The following GPR63 variants were observed in gnomAD, a reference collection of about 807,000 sequenced individuals.
GPR63 encodes G protein-coupled receptor 63.
GPR63 carries 12 observed loss-of-function variants against 23.1 expected under a neutral mutation model. The ratio of observed to expected loss-of-function variants is 0.52; its 90% CI spans 0.33 to 0.84. GPR63 has a LOEUF of 0.84. GPR63 is among the 40% of genes least tolerant of loss of function. GPR63 has a pLI of 0.02. For synonymous variants in GPR63, 172 were observed against 191.1 expected (o/e 0.90, Z 0.82); for missense variants, 472 against 515.6 (o/e 0.92, Z 0.82).
At chr6:96,834,129 G>A (rs1184670231) in intron 1 of GPR63, among the ~76,000 whole-genome samples, 1 of 152,082 alleles carries the variant, frequency 6.6e-6, no homozygotes, top group Non-Finnish European at 1.5e-5. Context: ...ATTTACTGGT[G>A]CAGAGGCTAG....
intron 1 of GPR63, among the ~76,000 whole-genome samples, chr6:96,811,274 A>G (rs1165019210): frequency 2.0e-5 from 3 of 152,230 alleles, no homozygotes; most frequent in Non-Finnish European, 4.4e-5. Flanking sequence ...CCCCTAACGG[A>G]TAAACAGAAA....
At chr6:96,824,053 G>A (rs1774374286) in intron 1 of GPR63, among the ~76,000 whole-genome samples, 1 of 151,702 alleles carries the variant, frequency 6.6e-6, no homozygotes, top group African/African-American at 2.4e-5. Context: ...CTCTATGATA[G>A]TATGGTATTA....
At chr6:96,802,272 T>G (rs1273095192) in intron 1 of GPR63, among the ~76,000 whole-genome samples, 1 of 152,172 alleles carries the variant, frequency 6.6e-6, no homozygotes, top group African/African-American at 2.4e-5. Flanking sequence ...CCATAAAAGC[T>G]TCCCACAACT....
rs1170692205 is a variant in GPR63, at chr6:96,798,565, G to A, written c.1167C>T (p.Ser389=). The change falls in exon 2 of 2, where the codon TCC becomes TCT. Residue 389 remains serine, a synonymous_variant. Coordinates refer to ENST00000229955, the MANE Select transcript of GPR63 (RefSeq NM_030784.4). ...HDACLDMMPK[S]FKFLPQLPGH... is the part of the protein sequence containing the mutation. ...CAGGGAGCTGCGGCAAAAACTTGAA[G>A]GACTTAGGCATCATGTCCAGGCAAG... 1.2e-6 allele frequency: 2 copies of A among 1,614,098 alleles called. No individual in the cohort carries two copies. Among genetic ancestry groups the A allele is most frequent in the Non-Finnish European group, 1.7e-6 (2 of 1,180,044 alleles).
At position 96,826,998 on chromosome 6, in the gene GPR63, T is replaced by G. The variant is rs9487264; in HGVS notation, c.-151+10270A>C. 1.3e-4 allele frequency among the ~76,000 whole-genome samples: 19 copies of G among 146,240 alleles called. No individual in the cohort carries two copies. The South Asian group carries it at 1.5e-3, about 12-fold the overall frequency. On this transcript the variant is annotated intron_variant, in intron 1 of 1. Transcript: ENST00000229955. ...CCTCTGGAGGAACTCACCTTCATCA[T>G]AGGCCTGAAATAATTACCACAAAGT...
At chr6:96,823,090 T>C (rs1489111454) in intron 1 of GPR63, among the ~76,000 whole-genome samples, 2 of 152,220 alleles carry the variant, frequency 1.3e-5, no homozygotes, top group African/African-American at 4.8e-5. Flanking sequence ...TGTATAAAAG[T>C]CTAGCACATA....
intron 1 of GPR63, among the ~76,000 whole-genome samples, chr6:96,815,894 T>C (rs558547833): frequency 6.6e-6 from 1 of 152,304 alleles, no homozygotes; most frequent in South Asian, 2.1e-4. Flanking sequence ...GGTTTCCTGC[T>C]CTTCTCTCTA....
intron 1 of GPR63, among the ~76,000 whole-genome samples, chr6:96,816,554 C>T (rs891494305): frequency 2.0e-5 from 3 of 152,128 alleles, no homozygotes; most frequent in African/African-American, 4.8e-5. Flanking sequence ...TGAGAGGCTA[C>T]GATCTGAGAG....
intron 1 of GPR63, among the ~76,000 whole-genome samples, chr6:96,826,186 T>G (rs552437171): frequency 6.6e-6 from 1 of 152,238 alleles, no homozygotes; most frequent in African/African-American, 2.4e-5. Context: ...GGTGGCTTTT[T>G]AACTTTACCT....
intron 1 of GPR63, among the ~76,000 whole-genome samples, chr6:96,828,703 T>C (rs1049319083): frequency 1.3e-5 from 2 of 151,982 alleles, no homozygotes; most frequent in African/African-American, 2.4e-5. Flanking sequence ...ATTCTAAATA[T>C]AAAGAGACTA....
intron 1 of GPR63, among the ~76,000 whole-genome samples, chr6:96,833,553 C>G (rs1424802170): frequency 6.6e-6 from 1 of 152,142 alleles, no homozygotes; most frequent in Non-Finnish European, 1.5e-5. Flanking sequence ...TCTGCACCAG[C>G]CTCCCCAAGG....
intron 1 of GPR63, among the ~76,000 whole-genome samples, chr6:96,821,589 C>T (rs1315345192): frequency 1.3e-5 from 2 of 152,266 alleles, no homozygotes; most frequent in East Asian, 3.9e-4. Flanking sequence ...TACAACTATG[C>T]CCAGATTATT....
At chr6:96,804,648 T>A (rs1773851907) in intron 1 of GPR63, among the ~76,000 whole-genome samples, 1 of 152,144 alleles carries the variant, frequency 6.6e-6, no homozygotes. Flanking sequence ...TCATTCTTAA[T>A]TATTTTAAAG....
intron 1 of GPR63, among the ~76,000 whole-genome samples, chr6:96,833,914 G>A (rs1323998059): frequency 6.6e-6 from 1 of 151,802 alleles, no homozygotes. Context: ...ATTTCAATAG[G>A]TGACCACTAG....
chr6:96,834,631 A>T (rs1170519381), intron 1 of GPR63, among the ~76,000 whole-genome samples: 3 of 152,150 alleles, frequency 2.0e-5, no homozygotes, highest in Non-Finnish European at 4.4e-5. Context: ...AAATATAAAC[A>T]CATTTCTGGT....
rs574806123 is a variant in GPR63, at chr6:96,796,445, G to A, written c.*2027C>T. ...CAGTTAACTTACTTAATTAGTCAAT[G>A]ATGTAGCCAAGTGGCTATATTTTCA... On this transcript the variant is annotated 3_prime_UTR_variant, in exon 2 of 2. Coordinates refer to ENST00000229955, the MANE Select transcript of GPR63 (RefSeq NM_030784.4). 4 of 152,176 alleles carry A rather than the reference G, an allele frequency of 2.6e-5. No homozygotes were observed. The highest frequency in any genetic ancestry group is 5.9e-5 in the Non-Finnish European group (4 of 68,036). The allele number at this position is 152,176 out of a possible 1,614,324, so 9.4% of individuals were successfully genotyped here.
At chr6:96,816,121 T>C (rs1192284795) in intron 1 of GPR63, among the ~76,000 whole-genome samples, 1 of 152,190 alleles carries the variant, frequency 6.6e-6, no homozygotes, top group Non-Finnish European at 1.5e-5. Flanking sequence ...TATTACACAT[T>C]AAAAATTCTT....
At chr6:96,809,925 G>T (rs1250429695) in intron 1 of GPR63, among the ~76,000 whole-genome samples, 1 of 152,088 alleles carries the variant, frequency 6.6e-6, no homozygotes, top group Non-Finnish European at 1.5e-5. Context: ...ACTACAAAGT[G>T]CTATCAAATT....
intron 1 of GPR63, among the ~76,000 whole-genome samples, chr6:96,813,027 A>G (rs932647731): frequency 4.6e-5 from 7 of 151,990 alleles, no homozygotes; most frequent in East Asian, 1.9e-4. Flanking sequence ...CTAGCTCCTG[A>G]TATCTATCAT....
Sources: gnomAD v4.1 joint callset for allele counts (sites outside exome capture counted in the v4.1 genomes callset) on GRCh38, gnomAD v4.1.1 for gene constraint, MANE v1.5 for transcripts, NCBI Gene and HGNC (gene_info 2026-07-23, HGNC 2026-07-21) for gene names.